The following TBX20 variants were observed in gnomAD, a reference collection of about 807,000 sequenced individuals.
The protein encoded by TBX20 is T-box transcription factor TBX20.
In TBX20, 8 loss-of-function variants were observed where a neutral mutation model predicts 42.9. The ratio of observed to expected loss-of-function variants is 0.19; its 90% confidence interval spans 0.11 to 0.34. The LOEUF (loss-of-function observed/expected upper bound fraction) is 0.34, where lower values mean the gene tolerates loss of function less well. Ranked by LOEUF, TBX20 falls within the 10% of genes least tolerant of loss-of-function variation. The pLI, the probability that TBX20 is intolerant of heterozygous loss-of-function variation, is 1.00. For synonymous variants in TBX20, 198 were observed against 222.8 expected, an observed-to-expected ratio of 0.89 and a Z score of 0.99; for missense variants, 411 against 566.0, an observed-to-expected ratio of 0.73 and a Z score of 2.78.
Position 35,240,957 on chromosome 7 carries a change from G to A in TBX20, c.735C>T (p.Asn245=), listed in dbSNP as rs145983037. The A allele has an allele frequency of 9.9e-6, 16 of 1,613,668 alleles. No individual in the cohort carries two copies. The African/African-American group carries it at 1.3e-4, about 13-fold the overall frequency. Residue 245 remains asparagine, a synonymous_variant, in exon 5 of 8, where the codon AAC becomes AAT. Coordinates refer to ENST00000408931, the MANE Select transcript of TBX20 (RefSeq NM_001077653.2). ...KKKDHTASLL[N]LKSEEFRTFI... is the part of the protein sequence containing the mutation. ...AAGTTCTAAATTCTTCAGACTTCAG[G>A]TTGAGCAATGAGGCTGTGTGGTCTT...
intron 5 of TBX20, among the ~76,000 whole-genome samples, chr7:35,235,008 T>C (rs537904348): frequency 3.8e-4 from 58 of 152,322 alleles, no homozygotes; most frequent in African/African-American, 1.3e-3. Context: ...CAAGTATTTG[T>C]TGAGCTTTAC....
intron 3 of TBX20, 110 bp from the exon 4 acceptor site, chr7:35,245,167 A>G (rs1790157719): frequency 1.3e-6 from 1 of 790,802 alleles, no homozygotes; most frequent in Admixed American, 2.1e-5. Flanking sequence ...ATAAGTGGGA[A>G]ATTTTATTGC....
At chr7:35,220,715 G>A (rs578188566) in intron 6 of TBX20, among the ~76,000 whole-genome samples, 1 of 152,196 alleles carries the variant, frequency 6.6e-6, no homozygotes, top group South Asian at 2.1e-4. Context: ...AAAATAACTG[G>A]ACATTACAAA....
intron 6 of TBX20, among the ~76,000 whole-genome samples, chr7:35,209,585 T>C (rs1387379285): frequency 6.6e-6 from 1 of 152,162 alleles, no homozygotes; most frequent in Non-Finnish European, 1.5e-5. Context: ...GGCCACCAAA[T>C]GGTCAATTTT....
intron 4 of TBX20, among the ~76,000 whole-genome samples, chr7:35,244,180 A>G (rs1790136683): frequency 6.6e-6 from 1 of 152,206 alleles, no homozygotes; most frequent in Admixed American, 6.5e-5. Flanking sequence ...CTAAGACAGA[A>G]TTTTTATGTG....
chr7:35,204,439 A>G, intron 7 of TBX20, 31 bp downstream of exon 7: 1 of 1,499,944 alleles, frequency 6.7e-7, no homozygotes, highest in Admixed American at 1.7e-5. Context: ...TCTGCCTCCC[A>G]GCAATTCCAT....
intron 6 of TBX20, among the ~76,000 whole-genome samples, chr7:35,228,652 T>C (rs1789817099): frequency 6.6e-6 from 1 of 152,158 alleles, no homozygotes; most frequent in Non-Finnish European, 1.5e-5. Context: ...CTGGACAAAG[T>C]GAACCGCATG....
chr7:35,211,486 T>C (rs1345119946), intron 6 of TBX20, among the ~76,000 whole-genome samples: 1 of 152,174 alleles, frequency 6.6e-6, no homozygotes, highest in Admixed American at 6.5e-5. Context: ...TTTTGAAAGA[T>C]ATTTTTGCTG....
intron 6 of TBX20, among the ~76,000 whole-genome samples, chr7:35,219,829 C>T (rs183583149): frequency 6.4e-4 from 97 of 152,300 alleles, no homozygotes; most frequent in African/African-American, 2.3e-3. Flanking sequence ...CTAAAGTCTC[C>T]TTCCTCACCT....
rs6950175 is a variant in TBX20, at chr7:35,240,927, G to T, written c.765C>A (p.Ile255=). 5.7e-3 allele frequency: 9,214 copies of T among 1,613,874 alleles called. 313 individuals carry two copies. The African/African-American group carries it at 0.089, about 16-fold the overall frequency. ...CTGCCGTAAAAACTGTTTCTGGAAAGATGAAAGTTCTAAATTCTTCAGACT... is the reference window on the plus strand; with the variant it reads ...CTGCCGTAAAAACTGTTTCTGGAAATATGAAAGTTCTAAATTCTTCAGACT... ...NLKSEEFRTF[I]FPETVFTAVT... Residue 255 remains isoleucine, a synonymous_variant, in exon 5 of 8, where the codon ATC becomes ATA. Transcript: ENST00000408931.
intron 6 of TBX20, among the ~76,000 whole-genome samples, chr7:35,209,961 G>A (rs908372852): frequency 5.9e-5 from 9 of 152,102 alleles, no homozygotes; most frequent in Admixed American, 1.3e-4. Context: ...GGGGACTTTT[G>A]AGATATCTTC....
At chr7:35,242,286 A>G (rs1231159722) in intron 4 of TBX20, among the ~76,000 whole-genome samples, 9 of 152,242 alleles carry the variant, frequency 5.9e-5, no homozygotes. Context: ...CTGCGATTGA[A>G]TTTTGAACAT....
intron 6 of TBX20, among the ~76,000 whole-genome samples, chr7:35,210,026 C>T (rs901294265): frequency 7.2e-5 from 11 of 151,818 alleles, no homozygotes; most frequent in African/African-American, 2.7e-4. Flanking sequence ...CTTTGTATGA[C>T]TTGAATGCCC....
intron 7 of TBX20, 21 bp downstream of exon 7, chr7:35,204,449 T>C (rs1292040427): frequency 7.7e-6 from 12 of 1,559,332 alleles, no homozygotes; most frequent in African/African-American, 1.4e-5. Flanking sequence ...AGCAATTCCA[T>C]GGCCTTGGAA....
chr7:35,242,107 A>T (rs969099809), intron 4 of TBX20, among the ~76,000 whole-genome samples: 1 of 152,168 alleles, frequency 6.6e-6, no homozygotes. Flanking sequence ...GCTGCTAGTC[A>T]TGCAACTGAT....
intron 5 of TBX20, among the ~76,000 whole-genome samples, chr7:35,232,745 C>T (rs936333392): frequency 7.2e-5 from 11 of 152,184 alleles, no homozygotes; most frequent in South Asian, 2.1e-4. Context: ...CTTGCCAGGC[C>T]GGGTGCCTGT....
At chr7:35,205,149 T>A (rs1789379753) in intron 6 of TBX20, among the ~76,000 whole-genome samples, 1 of 152,058 alleles carries the variant, frequency 6.6e-6, no homozygotes, top group Admixed American at 6.6e-5. Context: ...AACACTAAGA[T>A]CCTTGTTGCT....
In TBX20 at chr7:35,249,190, G is replaced by T. The variant is rs1433186242; in HGVS notation, c.381-349C>A. 6.6e-6 allele frequency among the ~76,000 whole-genome samples: 1 copy of T among 152,188 alleles called. No individual in the cohort carries two copies. Among genetic ancestry groups the T allele is most frequent in the Admixed American group, 6.5e-5 (1 of 15,288 alleles). ...AAGCACATTAAGTGTCCCAGGACCC[G>T]AAGTCCCTGGAGCTGACCCAGTCAC... is the stretch of plus-strand genomic sequence containing the variant. On this transcript the variant is annotated intron_variant, in intron 2 of 7. Transcript: ENST00000408931. This position sits in a 1 kb window ranked among gnomAD's most constrained non-coding sequence, Gnocchi z 4.3.
At chr7:35,243,678 T>A (rs1031434451) in intron 4 of TBX20, among the ~76,000 whole-genome samples, 5 of 149,294 alleles carry the variant, frequency 3.3e-5, no homozygotes, top group Admixed American at 2.7e-4. Context: ...TGAAAAAAAA[T>A]TTATCAGTGG....
Sources: allele counts gnomAD v4.1 joint callset (sites outside exome capture counted in the v4.1 genomes callset), GRCh38; gene constraint gnomAD v4.1.1; non-coding constraint Gnocchi (gnomAD v3.1); transcripts MANE v1.5; gene names NCBI Gene and HGNC (gene_info 2026-07-23, HGNC 2026-07-21).